Variants in FBLN1 observed in about 807,000 individuals in gnomAD.
FBLN1 encodes fibulin-1.
Under a neutral mutation model 89.7 loss-of-function variants are expected in FBLN1, and 34 were observed. That is an observed-to-expected ratio of 0.38 (90% CI 0.29 to 0.50). The LOEUF (loss-of-function observed/expected upper bound fraction) is 0.50. Among genes scored for constraint, FBLN1 ranks in the 20% least tolerant of loss-of-function variants. The probability of loss-of-function intolerance (pLI) is 0.92; values close to 1 mark genes in which losing one functional copy is unlikely to be tolerated. For synonymous variants in FBLN1, 393 were observed against 391.3 expected (o/e 1.00, Z -0.05); for missense variants, 777 against 988.1 (o/e 0.79, Z 2.86).
chr22:45,563,443 C>T lies in FBLN1; in HGVS notation c.1698-11068C>T. ...CCGGGGGTGAGCTGGGCACTGGCCA[C>T]CGCCTGGTACCCCCGAGGGCTGACT... On this transcript the variant is annotated intron_variant, in intron 14 of 16. Coordinates refer to ENST00000327858, the MANE Select transcript of FBLN1 (RefSeq NM_006486.3). The surrounding 1 kb of genome is among the most constrained non-coding windows in gnomAD (Gnocchi z 5.7). 4 of 1,384,462 alleles carry T rather than the reference C, an allele frequency of 2.9e-6. No homozygotes were observed. The highest frequency in any genetic ancestry group is 3.9e-6 in the Non-Finnish European group (4 of 1,031,666). 85.8% of individuals were successfully genotyped at this position (1,384,462 alleles called of 1,614,324 possible). A position where few individuals can be genotyped will look rare whatever the true frequency, so the allele number is the denominator to read the frequency against.
At position 45,530,681 on chromosome 22, in the gene FBLN1, G is replaced by T. The variant is rs534844735; in HGVS notation, c.485-584G>T. On this transcript the variant is annotated intron_variant, in intron 4 of 16. Transcript: ENST00000327858. The surrounding 1 kb of genome is among the most constrained non-coding windows in gnomAD (Gnocchi z 5.4). ...GGCTGTGACTGCATTTGCTGAGATG[G>T]TCAAGTAATTTGGACTATGGGAATA... 4.3e-4 allele frequency among the ~76,000 whole-genome samples: 66 copies of T among 152,286 alleles called. No individual in the cohort carries two copies. Among genetic ancestry groups the T allele is most frequent in the Non-Finnish European group, 7.6e-4 (52 of 68,018 alleles).
intron 1 of FBLN1, among the ~76,000 whole-genome samples, chr22:45,508,314 G>A (rs1257747546): frequency 6.4e-5 from 7 of 109,618 alleles, no homozygotes; most frequent in African/African-American, 2.2e-4. Context: ...GTCTTGCACT[G>A]TCTGGGGTGT....
chr22:45,507,969 T>A (rs898072714), intron 1 of FBLN1, among the ~76,000 whole-genome samples: 3 of 152,216 alleles, frequency 2.0e-5, no homozygotes, highest in Admixed American at 6.5e-5. Flanking sequence ...GAGTCACTGA[T>A]GCGTGTGATA....
rs139258211 is a variant in FBLN1 at position 45,589,262 on chromosome 22, T to G, written c.1973-11045T>G. ...AGGCTCAGGTGACATGAATTAAGAA[T>G]GCACACATCATGCTGGGACTCTGTG... On this transcript the variant is annotated intron_variant, in intron 16 of 16. Transcript: ENST00000327858. Among the ~76,000 whole-genome samples, 385 of 152,170 alleles carry G rather than the reference T, an allele frequency of 2.5e-3. 2 individuals are homozygous for G. Among genetic ancestry groups the G allele is most frequent in the African/African-American group, 8.6e-3 (359 of 41,504 alleles).
At chr22:45,539,861 T>G (rs891965533) in intron 8 of FBLN1, among the ~76,000 whole-genome samples, 3 of 152,206 alleles carry the variant, frequency 2.0e-5, no homozygotes, top group African/African-American at 7.2e-5. Flanking sequence ...GAATCTAGTC[T>G]GAGTGAGGAA....
chr22:45,553,818 G>A (rs935524453), intron 14 of FBLN1, among the ~76,000 whole-genome samples: 4 of 152,076 alleles, frequency 2.6e-5, no homozygotes, highest in Non-Finnish European at 4.4e-5. Flanking sequence ...AGAACACCAC[G>A]CACACCTCCC....
At chr22:45,596,589 C>T (rs1232568808) in intron 16 of FBLN1, among the ~76,000 whole-genome samples, 1 of 148,838 alleles carries the variant, frequency 6.7e-6, no homozygotes, top group East Asian at 1.9e-4. Flanking sequence ...CATATATCAA[C>T]ATAAGAATAT....
At position 45,542,103 on chromosome 22, in the gene FBLN1, G is replaced by GA. The variant is rs928922497; in HGVS notation, c.1067-46dup. The GA allele has an allele frequency of 3.9e-5, 63 of 1,613,270 alleles. No homozygotes were observed. In the African/African-American group the frequency reaches 6.8e-4, roughly 17 times the overall value. ...CTTTCCTTTCTGATCATCTTGGGGGGAAAAAACCCAAACTAAAGGTTTTCA... is the reference window on the plus strand; with the variant it reads ...CTTTCCTTTCTGATCATCTTGGGGGGAAAAAAACCCAAACTAAAGGTTTTCA... On this transcript the variant is annotated intron_variant, in intron 9 of 16. Transcript: ENST00000327858.
At chr22:45,592,836 C>T (rs932125598) in intron 16 of FBLN1, among the ~76,000 whole-genome samples, 1 of 152,192 alleles carries the variant, frequency 6.6e-6, no homozygotes. Flanking sequence ...CCACACAGCC[C>T]TACACTTCCC....
chr22:45,558,519 C>A (rs1319342733), intron 14 of FBLN1: 1 of 164,504 alleles, frequency 6.1e-6, no homozygotes, highest in Non-Finnish European at 1.3e-5. Flanking sequence ...CCACTGACAC[C>A]TCAAGCAACA....
At chr22:45,570,841 G>A (rs918594984) in intron 14 of FBLN1, among the ~76,000 whole-genome samples, 7 of 151,938 alleles carry the variant, frequency 4.6e-5, no homozygotes, top group Non-Finnish European at 8.8e-5. Flanking sequence ...TAAAGAAAAG[G>A]AGGAAGGCCG....
In FBLN1 at chr22:45,556,982, C is replaced by G. The variant is rs1395196820; in HGVS notation, c.1697+6367C>G. Among the ~76,000 whole-genome samples the G allele has an allele frequency of 2.0e-5, 3 of 152,160 alleles. No homozygotes were observed. Among genetic ancestry groups the G allele is most frequent in the Non-Finnish European group, 2.9e-5 (2 of 68,034 alleles). On this transcript the variant is annotated intron_variant, in intron 14 of 16. Transcript: ENST00000327858. This position sits in a 1 kb window ranked among gnomAD's most constrained non-coding sequence, Gnocchi z 4.6. The stretch of plus-strand genomic sequence containing the variant: ...AGAAACAGTGCCATAATATTGGACC[C>G]TGATTCAGAGCATACATGGCCTTCT...
At chr22:45,584,971 G>A (rs578077507) in intron 16 of FBLN1, among the ~76,000 whole-genome samples, 1 of 152,314 alleles carries the variant, frequency 6.6e-6, no homozygotes, top group African/African-American at 2.4e-5. Context: ...CCTGCACTGG[G>A]TACTGCAGAA....
intron 1 of FBLN1, among the ~76,000 whole-genome samples, chr22:45,509,201 C>T (rs1450012907): frequency 6.6e-6 from 1 of 152,078 alleles, no homozygotes; most frequent in East Asian, 1.9e-4. Flanking sequence ...GCCCAGGAGG[C>T]CCTTGGAGCA....
At chr22:45,599,640 A>G (rs1339690945) in intron 16 of FBLN1, among the ~76,000 whole-genome samples, 1 of 152,194 alleles carries the variant, frequency 6.6e-6, no homozygotes, top group African/African-American at 2.4e-5. Context: ...CAGGTAGGCC[A>G]GTCACGGTCG....
At chr22:45,511,634 A>G (rs6007070) in intron 1 of FBLN1, among the ~76,000 whole-genome samples, 7,720 of 151,850 alleles carry the variant, frequency 0.051, 644 homozygotes, top group African/African-American at 0.18. Context: ...TTTAGTGGAG[A>G]CTGGGTTTTA....
At chr22:45,524,220 G>A (rs1230192799) in intron 2 of FBLN1, among the ~76,000 whole-genome samples, 1 of 152,232 alleles carries the variant, frequency 6.6e-6, no homozygotes, top group Non-Finnish European at 1.5e-5. Flanking sequence ...GCAGTGCAGG[G>A]AAGCTGGGGA....
intron 1 of FBLN1, among the ~76,000 whole-genome samples, chr22:45,516,738 ACTC>A (rs1289400712): frequency 2.6e-5 from 4 of 151,854 alleles, no homozygotes; most frequent in African/African-American, 4.8e-5. Context: ...CCACTGCAGG[ACTC>A]CTCCTGCCAG....
Position 45,550,372 on chromosome 22 carries a change from G to C in FBLN1, c.1574-120G>C. The stretch of plus-strand genomic sequence containing the variant: ...TCTGAAGATCAGCCAGTGGAGGGCA[G>C]GGATGGCCTGATCGCCACCCCTAAC... On this transcript the variant is annotated intron_variant, in intron 13 of 16. Coordinates refer to ENST00000327858, the MANE Select transcript of FBLN1 (RefSeq NM_006486.3). The surrounding 1 kb of genome is among the most constrained non-coding windows in gnomAD (Gnocchi z 8.4). 7.2e-7 allele frequency: 1 copy of C among 1,393,306 alleles called. No individual in the cohort carries two copies. The highest frequency in any genetic ancestry group is 1.0e-6 in the Non-Finnish European group (1 of 989,828). The allele number at this position is 1,393,306 out of a possible 1,614,324, so 86.3% of individuals were successfully genotyped here. A position where few individuals can be genotyped will look rare whatever the true frequency, so the allele number is the denominator to read the frequency against.
Sources: allele counts gnomAD v4.1 joint callset (sites outside exome capture counted in the v4.1 genomes callset), GRCh38; gene constraint gnomAD v4.1.1; non-coding constraint Gnocchi (gnomAD v3.1); transcripts MANE v1.5; gene names NCBI Gene and HGNC (gene_info 2026-07-23, HGNC 2026-07-21).